USP20: variants seen among roughly 807,000 people sequenced by gnomAD.
USP20 encodes ubiquitin specific peptidase 20.
A neutral mutation model predicts 124.2 loss-of-function variants in USP20; 80 were observed. The ratio of observed to expected loss-of-function variants is 0.64; its 90% CI spans 0.54 to 0.78. The LOEUF is 0.78. USP20 is among the 30% of genes least tolerant of loss of function. The pLI is 0.00. For missense variants in USP20, 1,043 were observed against 1,244.4 expected (o/e 0.84, Z 2.44); for synonymous variants, 481 against 512.3 (o/e 0.94, Z 0.83).
chr9:129,835,936 G>A (rs1344166945), intron 1 of USP20: 1 of 152,240 alleles, frequency 6.6e-6, no homozygotes, highest in Non-Finnish European at 1.5e-5. Flanking sequence ...AGCGCCGACT[G>A]CCTCACAAAT....
rs544914387 is a variant in USP20, at chr9:129,835,638, C to G, written c.-129+139C>G. ...CGGCCCGGTGAGCGGAGCCCGGGAC[C>G]CCCCCGGCCGCCGCCGCCCCTCTCC... On this transcript the variant is annotated intron_variant, in intron 1 of 25. Coordinates refer to ENST00000372429, the MANE Select transcript of USP20 (RefSeq NM_001110303.4). 331 of 156,430 alleles carry G rather than the reference C, an allele frequency of 2.1e-3. 1 individual carries two copies. Among genetic ancestry groups the G allele is most frequent in the Admixed American group, 4.4e-3 (67 of 15,338 alleles). The allele number at this position is 156,430 out of a possible 1,614,324, so 9.7% of individuals were successfully genotyped here. A position where few individuals can be genotyped will look rare whatever the true frequency, so the allele number is the denominator to read the frequency against.
chr9:129,870,344 T>A, intron 14 of USP20, 109 bp from the exon 15 acceptor site: 1 of 1,239,946 alleles, frequency 8.1e-7, no homozygotes, highest in South Asian at 1.4e-5. Flanking sequence ...TCTCTGGGCC[T>A]TCAGGGTCCT....
chr9:129,872,886 G>A (rs2034190264), intron 15 of USP20, among the ~76,000 whole-genome samples: 1 of 151,674 alleles, frequency 6.6e-6, no homozygotes, highest in South Asian at 2.1e-4. Flanking sequence ...AATTAATGTT[G>A]CACTTCCCAC....
chr9:129,874,569 C>T lies in USP20; in HGVS notation c.1741-7C>T, dbSNP rs1478204421. On this transcript the variant is annotated splice_region_variant and splice_polypyrimidine_tract_variant and intron_variant, in intron 17 of 25. Coordinates refer to ENST00000372429, the MANE Select transcript of USP20 (RefSeq NM_001110303.4). ...CTAGATGACCGGCGCTCTCTCTGTC[C>T]CCGCAGATCCTGTGCATTCACCTAA... 14 of 1,612,722 alleles carry T rather than the reference C, an allele frequency of 8.7e-6. No individual in the cohort carries two copies. The highest frequency in any genetic ancestry group is 1.3e-5 in the African/African-American group (1 of 74,910).
intron 4 of USP20, among the ~76,000 whole-genome samples, chr9:129,857,325 T>G (rs1263838235): frequency 6.6e-6 from 1 of 152,258 alleles, no homozygotes; most frequent in East Asian, 1.9e-4. Flanking sequence ...AGGAGCCTGA[T>G]GCAGAAAATG....
chr9:129,869,942 ACCAGGGAGGT>A, intron 14 of USP20, 98 bp downstream of exon 14: 1 of 1,466,176 alleles, frequency 6.8e-7, no homozygotes, highest in South Asian at 1.3e-5. Context: ...CATTTGGGGA[ACCAGGGAGGT>A]CCTGGGAGGA....
intron 1 of USP20, among the ~76,000 whole-genome samples, chr9:129,840,752 T>C (rs1353574861): frequency 6.7e-6 from 1 of 149,964 alleles, no homozygotes; most frequent in South Asian, 2.1e-4. Context: ...AAGCGTGAGT[T>C]CCACCTTTAG....
rs1223217429 is a variant in USP20, at chr9:129,880,576, A to G, written c.*126A>G. 2.6e-6 allele frequency: 1 copy of G among 383,200 alleles called. No individual in the cohort carries two copies. The highest frequency in any genetic ancestry group is 4.9e-6 in the Non-Finnish European group (1 of 205,280). 23.7% of individuals were successfully genotyped at this position (383,200 alleles called of 1,614,324 possible). A position where few individuals can be genotyped will look rare whatever the true frequency, so the allele number is the denominator to read the frequency against. On this transcript the variant is annotated 3_prime_UTR_variant, in exon 26 of 26. Coordinates refer to ENST00000372429, the MANE Select transcript of USP20 (RefSeq NM_001110303.4). ...AGAAAAGTTGGTTTGGTTTGCAGTAACGCTGCAACTAGAAAATATATGCAC... is the reference window on the plus strand; with the variant it reads ...AGAAAAGTTGGTTTGGTTTGCAGTAGCGCTGCAACTAGAAAATATATGCAC...
At chr9:129,836,759 C>T (rs2031867957) in intron 1 of USP20, among the ~76,000 whole-genome samples, 1 of 152,186 alleles carries the variant, frequency 6.6e-6, no homozygotes, top group Admixed American at 6.5e-5. Context: ...ATATTAAAGT[C>T]TCAAAGTCTT....
chr9:129,843,630 G>A (rs188627962), intron 1 of USP20, among the ~76,000 whole-genome samples: 126 of 151,262 alleles, frequency 8.3e-4, no homozygotes, highest in Middle Eastern at 3.5e-3. Context: ...CCAGCTACTT[G>A]GGAGGCTGAG....
At position 129,870,628 on chromosome 9, in the gene USP20, C is replaced by T; in HGVS notation, c.1660+81C>T. The T allele has an allele frequency of 6.8e-6, 10 of 1,465,042 alleles. No homozygotes were observed. The South Asian group carries it at 7.1e-5, about 10-fold the overall frequency. 90.8% of individuals were successfully genotyped at this position (1,465,042 alleles called of 1,614,324 possible). Reference sequence around the variant, plus strand: ...GTGCAGACCCCAGCAGGCCAGCATGCAGCCCAGGGCTTGTGGGATGCACAG... The same window carrying T: ...GTGCAGACCCCAGCAGGCCAGCATGTAGCCCAGGGCTTGTGGGATGCACAG... On this transcript the variant is annotated intron_variant, in intron 15 of 25. Coordinates refer to ENST00000372429, the MANE Select transcript of USP20 (RefSeq NM_001110303.4).
At chr9:129,841,206 G>A (rs1359528485) in intron 1 of USP20, among the ~76,000 whole-genome samples, 2 of 152,202 alleles carry the variant, frequency 1.3e-5, no homozygotes, top group Non-Finnish European at 2.9e-5. Flanking sequence ...AGATCAAGGT[G>A]CCGACAGGTT....
rs143539920 is a variant in USP20, at chr9:129,853,225, C to T, written c.81+589C>T. Among the ~76,000 whole-genome samples, 62 of 132,200 alleles carry T rather than the reference C, an allele frequency of 4.7e-4. No individual in the cohort carries two copies. The South Asian group carries it at 5.0e-3, about 11-fold the overall frequency. 86.7% of individuals were successfully genotyped at this position (132,200 alleles called of 152,430 possible). On this transcript the variant is annotated intron_variant, in intron 3 of 25. Coordinates refer to ENST00000372429, the MANE Select transcript of USP20 (RefSeq NM_001110303.4). ...CTTTATGTGAATACAAGCAGATAAA[C>T]TCATTTTAAGTTTTGCCCTTTCTTA...
intron 3 of USP20, among the ~76,000 whole-genome samples, chr9:129,854,692 A>G (rs1280318218): frequency 1.3e-5 from 2 of 152,192 alleles, no homozygotes; most frequent in Non-Finnish European, 2.9e-5. Flanking sequence ...TCAAAAAATC[A>G]TGAGAGAGAT....
At chr9:129,869,153 T>G in intron 12 of USP20, 151 bp downstream of exon 12, 1 of 1,379,810 alleles carries the variant, frequency 7.2e-7, no homozygotes, top group Non-Finnish European at 9.8e-7. Flanking sequence ...AGCCACGTTT[T>G]GCAGAGGATG....
chr9:129,875,395 G>C lies in USP20; in HGVS notation c.2134G>C (p.Val712Leu), dbSNP rs368117192. The C allele has an allele frequency of 5.6e-6, 9 of 1,613,546 alleles. No individual in the cohort carries two copies. Among genetic ancestry groups the C allele is most frequent in the Admixed American group, 3.3e-5 (2 of 60,010 alleles). The change falls in exon 20 of 26, where the codon GTG (valine) becomes CTG (leucine). Residue 712 changes from valine (V) to leucine (L), a missense_variant. By Grantham distance (32) the Val-to-Leu change is conservative. Transcript: ENST00000372429. ...GGAGCCCAGCCTGCTGCGGTTCTACGTGTCCCGCGAGTGGCTCAACAAGTT... is the reference window on the plus strand; with the variant it reads ...GGAGCCCAGCCTGCTGCGGTTCTACCTGTCCCGCGAGTGGCTCAACAAGTT... ...MREPSLLRFY[V>L]SREWLNKFNT...
Position 129,863,167 on chromosome 9 carries a change from C to G in USP20, c.498-19C>G, listed in dbSNP as rs768016309. 24 of 1,508,562 alleles carry G rather than the reference C, an allele frequency of 1.6e-5. No individual in the cohort carries two copies. In the Admixed American group the frequency reaches 2.2e-4, roughly 14 times the overall value. The allele number at this position is 1,508,562 out of a possible 1,614,324, so 93.4% of individuals were successfully genotyped here. On this transcript the variant is annotated intron_variant, in intron 8 of 25. Transcript: ENST00000372429. ...CCTCATTTGCTCTCCTGACCTGGCT[C>G]TCTCTCCCCTGCACCCAGCCCGCCG...
intron 22 of USP20, among the ~76,000 whole-genome samples, chr9:129,876,638 CAAAAAAA>C (rs5900872): frequency 0.01 from 1,280 of 126,736 alleles, 22 homozygotes; most frequent in African/African-American, 0.036. Context: ...GACTCCATCT[CAAAAAAA>C]AAAAAAAAAG....
intron 6 of USP20, among the ~76,000 whole-genome samples, chr9:129,860,503 C>G (rs1564207109): frequency 1.3e-5 from 2 of 152,142 alleles, no homozygotes; most frequent in Non-Finnish European, 2.9e-5. Context: ...CACAGTGGCT[C>G]ATGTTATCCT....
Sources: gnomAD v4.1 joint callset for allele counts (sites outside exome capture counted in the v4.1 genomes callset) on GRCh38, gnomAD v4.1.1 for gene constraint, MANE v1.5 for transcripts, NCBI Gene and HGNC (gene_info 2026-07-23, HGNC 2026-07-21) for gene names.